B3GAT1: variants seen among roughly 807,000 people sequenced by gnomAD.
B3GAT1 encodes the protein beta-1,3-glucuronyltransferase 1.
A neutral mutation model predicts 28.4 loss-of-function variants in B3GAT1; 11 were observed. That is an observed-to-expected ratio of 0.39 (90% CI 0.24 to 0.64). The LOEUF (loss-of-function observed/expected upper bound fraction) is 0.64, where lower values mean the gene tolerates loss of function less well. Among genes scored for constraint, B3GAT1 ranks in the 30% least tolerant of loss-of-function variants. The pLI, the probability that B3GAT1 is intolerant of heterozygous loss-of-function variation, is 0.50. For synonymous variants in B3GAT1, 255 were observed against 223.1 expected, an observed-to-expected ratio of 1.14 and a Z score of -1.27; for missense variants, 375 against 491.0, an observed-to-expected ratio of 0.76 and a Z score of 2.23.
At position 134,398,500 on chromosome 11, in the gene B3GAT1, A is replaced by G. The variant is rs1374124380; in HGVS notation, c.-281-10560T>C. Among the ~76,000 whole-genome samples, 3 of 150,778 alleles carry G rather than the reference A, an allele frequency of 2.0e-5. No individual in the cohort carries two copies. The East Asian group carries it at 5.8e-4, about 29-fold the overall frequency. ...GATTTATGGCTTCCAAAAGGACTGC[A>G]CGTTGGTTATCTCATTTAATGTTTA... On this transcript the variant is annotated intron_variant, in intron 1 of 5. Transcript: ENST00000312527.
At chr11:134,407,855 C>T (rs959839610) in intron 1 of B3GAT1, among the ~76,000 whole-genome samples, 1 of 152,168 alleles carries the variant, frequency 6.6e-6, no homozygotes, top group South Asian at 2.1e-4. Context: ...CCTCCAACAC[C>T]GTAAGTGCTT....
intron 1 of B3GAT1, among the ~76,000 whole-genome samples, chr11:134,401,404 GA>G (rs1400897836): frequency 6.6e-6 from 1 of 152,246 alleles, no homozygotes; most frequent in Non-Finnish European, 1.5e-5. Flanking sequence ...TAGCCATAAA[GA>G]AGAATTAAAT....
chr11:134,394,309 C>A (rs541906230), intron 1 of B3GAT1, among the ~76,000 whole-genome samples: 1 of 152,368 alleles, frequency 6.6e-6, no homozygotes, highest in South Asian at 2.1e-4. Context: ...CAGATCTCGT[C>A]CCCATTTTGC....
chr11:134,389,616 T>TG (rs1370128043), intron 1 of B3GAT1: 1 of 152,468 alleles, frequency 6.6e-6, no homozygotes, highest in African/African-American at 2.4e-5. Flanking sequence ...CAGGGACCCG[T>TG]GGGGGTGGTG....
chr11:134,409,387 C>A (rs904439008), intron 1 of B3GAT1, among the ~76,000 whole-genome samples: 13 of 152,196 alleles, frequency 8.5e-5, no homozygotes, highest in Non-Finnish European at 1.6e-4. Context: ...ACATCCTTCC[C>A]CACTGCCCTG....
intron 1 of B3GAT1, chr11:134,389,816 C>G (rs1346708308): frequency 6.6e-6 from 1 of 152,394 alleles, no homozygotes; most frequent in East Asian, 1.9e-4. Context: ...CCCTGAGTTT[C>G]CAAAATAGCG....
intron 1 of B3GAT1, among the ~76,000 whole-genome samples, chr11:134,395,928 C>T (rs1944496290): frequency 6.6e-6 from 1 of 152,196 alleles, no homozygotes; most frequent in Admixed American, 6.5e-5. Context: ...GAGGAAGACT[C>T]TGCTTCCAAG....
intron 1 of B3GAT1, among the ~76,000 whole-genome samples, chr11:134,410,965 G>C (rs761820091): frequency 1.3e-5 from 2 of 152,226 alleles, no homozygotes; most frequent in Non-Finnish European, 2.9e-5. Flanking sequence ...TTCAGCTCCA[G>C]CTTCTACAAG....
At position 134,395,200 on chromosome 11, in the gene B3GAT1, G is replaced by A. The variant is rs193113449; in HGVS notation, c.-281-7260C>T. ...CATCACTTGCTGCTGCTCTCTGCTGGGGCACGCCCGGGGGCGGGTGGGGAA... is the reference window on the plus strand; with the variant it reads ...CATCACTTGCTGCTGCTCTCTGCTGAGGCACGCCCGGGGGCGGGTGGGGAA... On this transcript the variant is annotated intron_variant, in intron 1 of 5. Transcript: ENST00000312527. Among the ~76,000 whole-genome samples, 72 of 152,324 alleles carry A rather than the reference G, an allele frequency of 4.7e-4. No individual in the cohort carries two copies. The East Asian group carries it at 0.011, about 24-fold the overall frequency.
chr11:134,400,430 C>T lies in B3GAT1; in HGVS notation c.-282+11377G>A, dbSNP rs549391474. On this transcript the variant is annotated intron_variant, in intron 1 of 5. Transcript: ENST00000312527. ...CTTTCAGATCAAATGAGGGAATCAA[C>T]GGAAAACACCTAGCATAAGGCCTGG... 1.1e-4 allele frequency among the ~76,000 whole-genome samples: 16 copies of T among 152,248 alleles called. 1 individual carries two copies. Among genetic ancestry groups the T allele is most frequent in the African/African-American group, 2.9e-4 (12 of 41,546 alleles).
At chr11:134,396,556 C>T (rs1470406320) in intron 1 of B3GAT1, among the ~76,000 whole-genome samples, 1 of 152,130 alleles carries the variant, frequency 6.6e-6, no homozygotes, top group African/African-American at 2.4e-5. Context: ...CTCTCTGGGC[C>T]TTCATTTTCC....
At position 134,404,014 on chromosome 11, in the gene B3GAT1, TATATATATATATA is replaced by T. The variant is rs1565459355; in HGVS notation, c.-282+7780_-282+7792del. On this transcript the variant is annotated intron_variant, in intron 1 of 5. Transcript: ENST00000312527. ...ATATATATATATATATATATATATA[TATATATATATATA>T]TATTTATTATACGTTAAGTTCTAGG... is the stretch of plus-strand genomic sequence containing the variant. 4.4e-3 allele frequency among the ~76,000 whole-genome samples: 517 copies of T among 118,206 alleles called. 28 individuals carry two copies. In the East Asian group the frequency reaches 0.058, roughly 13 times the overall value. 77.5% of individuals were successfully genotyped at this position (118,206 alleles called of 152,430 possible).
At chr11:134,382,452 T>C (rs1944155527) in intron 4 of B3GAT1, among the ~76,000 whole-genome samples, 1 of 152,388 alleles carries the variant, frequency 6.6e-6, no homozygotes, top group South Asian at 2.1e-4. Context: ...CATGTGTGTG[T>C]GCATGAGTGC....
Position 134,383,019 on chromosome 11 carries a change from G to T in B3GAT1, c.622-13C>A, listed in dbSNP as rs773707460. On this transcript the variant is annotated splice_polypyrimidine_tract_variant and intron_variant, in intron 3 of 5. Transcript: ENST00000312527. ...TGGTGCTGCGCATCTACAAGGGGGG[G>T]GTCCAGAGTCAGGGCGCCGGCACTG... 3.4e-5 allele frequency: 52 copies of T among 1,535,252 alleles called. No homozygotes were observed. The Middle Eastern group carries it at 6.0e-4, about 18-fold the overall frequency.
Position 134,381,996 on chromosome 11 carries a change from T to C in B3GAT1, c.947A>G (p.Lys316Arg). 6.2e-7 allele frequency: 1 copy of C among 1,614,150 alleles called. No individual in the cohort carries two copies. The highest frequency in any genetic ancestry group is 8.5e-7 in the Non-Finnish European group (1 of 1,180,038). ...CTTGCCCTCATTCACCAGCACTGGC[T>C]TCTCTGTCCGTGTGTGCCACACCAG... is the stretch of plus-strand genomic sequence containing the variant. ...KILVWHTRTE[K>R]PVLVNEGKKG... Residue 316 changes from lysine (K) to arginine (R), a missense_variant, in exon 5 of 6, where the codon AAG becomes AGG. Lys to Arg is a conservative substitution (Grantham distance 26). Coordinates refer to ENST00000312527, the MANE Select transcript of B3GAT1 (RefSeq NM_054025.3).
intron 1 of B3GAT1, among the ~76,000 whole-genome samples, chr11:134,401,020 G>A (rs1944603459): frequency 6.6e-6 from 1 of 152,186 alleles, no homozygotes; most frequent in Non-Finnish European, 1.5e-5. Flanking sequence ...TCATTAGAGA[G>A]ATGCAAATCA....
In B3GAT1 at chr11:134,387,540, G is replaced by C; in HGVS notation, c.112+8C>G. 1 of 1,613,720 alleles carries C rather than the reference G, an allele frequency of 6.2e-7. No individual in the cohort carries two copies. Among genetic ancestry groups the C allele is most frequent in the Non-Finnish European group, 8.5e-7 (1 of 1,179,966 alleles). On this transcript the variant is annotated splice_region_variant and intron_variant, in intron 2 of 5. Transcript: ENST00000312527. ...AGCTGGGCAGGCAGGGCATGCGTGC[G>C]TGCTCACCCTTATGTACCGCGAGCA...
At chr11:134,401,556 T>C (rs1193442729) in intron 1 of B3GAT1, among the ~76,000 whole-genome samples, 3 of 151,016 alleles carry the variant, frequency 2.0e-5, no homozygotes, top group Admixed American at 6.6e-5. Flanking sequence ...ATGGGAACAA[T>C]AGACACTGTG....
chr11:134,378,774 C>T lies in B3GAT1; in HGVS notation c.*1988G>A, dbSNP rs957514160. The T allele has an allele frequency of 7.2e-5, 11 of 152,120 alleles. No homozygotes were observed. The highest frequency in any genetic ancestry group is 2.4e-4 in the African/African-American group (10 of 41,438). 9.4% of individuals were successfully genotyped at this position (152,120 alleles called of 1,614,324 possible). On this transcript the variant is annotated 3_prime_UTR_variant, in exon 6 of 6. Coordinates refer to ENST00000312527, the MANE Select transcript of B3GAT1 (RefSeq NM_054025.3). ...AATAAAGATGAAGGCTGCAGTCCACCAGGGTTATAATTATAAATAAATATA... is the reference window on the plus strand; with the variant it reads ...AATAAAGATGAAGGCTGCAGTCCACTAGGGTTATAATTATAAATAAATATA...
Sources: allele counts gnomAD v4.1 joint callset (sites outside exome capture counted in the v4.1 genomes callset), GRCh38; gene constraint gnomAD v4.1.1; transcripts MANE v1.5; gene names NCBI Gene and HGNC (gene_info 2026-07-23, HGNC 2026-07-21).